Variants in CSPP1 observed in about 807,000 individuals in gnomAD.
CSPP1 encodes the protein centrosome and spindle pole associated protein 1.
In CSPP1, 126 loss-of-function variants were observed where a neutral mutation model predicts 164.4. The ratio of observed to expected loss-of-function variants is 0.77; its 90% CI spans 0.66 to 0.89. The LOEUF (loss-of-function observed/expected upper bound fraction) is 0.89, where lower values mean the gene tolerates loss of function less well. Ranked by LOEUF, CSPP1 falls within the 40% of genes least tolerant of loss-of-function variation. CSPP1 has a pLI of 0.00. For synonymous variants in CSPP1, 472 were observed against 476.7 expected, an observed-to-expected ratio of 0.99 and a Z score of 0.13; for missense variants, 1,395 against 1,449.8, an observed-to-expected ratio of 0.96 and a Z score of 0.61.
chr8:67,140,419 A>G (rs969826132), intron 17 of CSPP1, among the ~76,000 whole-genome samples: 2 of 152,022 alleles, frequency 1.3e-5, no homozygotes, highest in Non-Finnish European at 2.9e-5. Flanking sequence ...TTTCTTCCCA[A>G]AAGATTTGTT....
intron 18 of CSPP1, among the ~76,000 whole-genome samples, chr8:67,152,968 CG>C (rs1421234978): frequency 1.3e-5 from 2 of 151,996 alleles, no homozygotes; most frequent in Non-Finnish European, 2.9e-5. Context: ...GAGGCCGAGG[CG>C]GGCGGATCAT....
chr8:67,126,377 G>A (rs1820063071), intron 15 of CSPP1, among the ~76,000 whole-genome samples: 2 of 152,104 alleles, frequency 1.3e-5, no homozygotes, highest in Admixed American at 1.3e-4. Flanking sequence ...CCTCCTCCTT[G>A]TGGTTTGTTG....
intron 26 of CSPP1, among the ~76,000 whole-genome samples, chr8:67,177,017 G>C (rs188159561): frequency 7.0e-6 from 1 of 142,590 alleles, no homozygotes; most frequent in East Asian, 2.1e-4. Context: ...GTTGCAGAGA[G>C]CCAAGATCGT....
chr8:67,179,358 T>A (rs1832468754), intron 27 of CSPP1, among the ~76,000 whole-genome samples: 1 of 152,186 alleles, frequency 6.6e-6, no homozygotes, highest in Admixed American at 6.5e-5. Flanking sequence ...CTCTCTCCCA[T>A]GACACTGTGA....
intron 28 of CSPP1, among the ~76,000 whole-genome samples, chr8:67,180,875 A>T (rs112210869): frequency 1.3e-5 from 2 of 151,962 alleles, no homozygotes; most frequent in African/African-American, 4.8e-5. Context: ...TTAAAGTAGT[A>T]TACACTTACG....
Position 67,187,014 on chromosome 8 carries a change from TA to T in CSPP1, c.3221-3634del, listed in dbSNP as rs1219166409. Among the ~76,000 whole-genome samples the T allele has an allele frequency of 2.7e-3, 382 of 143,646 alleles. 2 individuals are homozygous for T. The highest frequency in any genetic ancestry group is 9.2e-3 in the African/African-American group (356 of 38,532). 94.2% of individuals were successfully genotyped at this position (143,646 alleles called of 152,430 possible). A position where few individuals can be genotyped will look rare whatever the true frequency, so the allele number is the denominator to read the frequency against. On this transcript the variant is annotated intron_variant, in intron 28 of 30. Coordinates refer to ENST00000678616, the MANE Select transcript of CSPP1 (RefSeq NM_001382391.1). ...CTATCTATCTATCTATCTATCTATC[TA>T]ATCTATCTATCTAGAACTGCCTGAG...
chr8:67,093,799 GTTT>G (rs1042342882), intron 6 of CSPP1, among the ~76,000 whole-genome samples, 158 bp downstream of exon 6: 93 of 152,156 alleles, frequency 6.1e-4, no homozygotes, highest in Non-Finnish European at 3.1e-4. Flanking sequence ...TAAATATTTA[GTTT>G]TGGAAGTTAT....
At position 67,157,888 on chromosome 8, in the gene CSPP1, C is replaced by A. The variant is rs201954855; in HGVS notation, c.2242-559C>A. On this transcript the variant is annotated intron_variant, in intron 19 of 30. Transcript: ENST00000678616. ...TCCTTGTGACCTAAATCCTCCTCCA[C>A]CTAATAGTTTTAGTTCTTTCTCCAT... 6 of 152,226 alleles carry A rather than the reference C, an allele frequency of 3.9e-5. No individual in the cohort carries two copies. In the East Asian group the frequency reaches 1.2e-3, roughly 29 times the overall value. 9.4% of individuals were successfully genotyped at this position (152,226 alleles called of 1,614,324 possible).
chr8:67,159,271 G>A, intron 21 of CSPP1, 134 bp downstream of exon 21: 1 of 818,864 alleles, frequency 1.2e-6, no homozygotes, highest in Non-Finnish European at 1.9e-6. Flanking sequence ...TGTTTAGTCT[G>A]GGCACAATGT....
chr8:67,173,438 G>T, intron 25 of CSPP1: 1 of 152,238 alleles, frequency 6.6e-6, no homozygotes, highest in East Asian at 1.9e-4. Context: ...AGCAGGTGTT[G>T]GAGCAGAAGG....
chr8:67,159,651 A>G (rs550575328), intron 21 of CSPP1, among the ~76,000 whole-genome samples: 31 of 147,754 alleles, frequency 2.1e-4, no homozygotes, highest in Non-Finnish European at 3.7e-4. Flanking sequence ...CCTCTCAAGT[A>G]GCTGGGACTA....
rs201884732 is a variant in CSPP1 at position 67,179,894 on chromosome 8, A to G, written c.3188A>G (p.Asn1063Ser). The change falls in exon 28 of 31, where the codon AAC (asparagine) becomes AGC (serine). Residue 1063 changes from asparagine (N) to serine (S), a missense_variant. Transcript: ENST00000678616. ...PRDDTSDFLK[N>S]SLLESDSAFI... ...GATGACACTAGTGATTTCTTGAAAA[A>G]CTCATTATTGGAATCTGATAGTGCT... 315 of 1,589,788 alleles carry G rather than the reference A, an allele frequency of 2.0e-4. No homozygotes were observed. Among genetic ancestry groups the G allele is most frequent in the Non-Finnish European group, 2.5e-4 (289 of 1,159,354 alleles).
chr8:67,172,408 A>G lies in CSPP1; in HGVS notation c.2829-8A>G, dbSNP rs754544892. 6.2e-7 allele frequency: 1 copy of G among 1,605,640 alleles called. No homozygotes were observed. Among genetic ancestry groups the G allele is most frequent in the Non-Finnish European group, 8.5e-7 (1 of 1,173,850 alleles). On this transcript the variant is annotated splice_polypyrimidine_tract_variant and splice_region_variant and intron_variant, in intron 24 of 30. Transcript: ENST00000678616. ...AAGCACATATTATGATTTGTCATTT[A>G]TCTATAGGAAAAAGGAAAGGAATCC... is the stretch of plus-strand genomic sequence containing the variant.
chr8:67,156,167 T>A (rs1275174312), intron 19 of CSPP1, among the ~76,000 whole-genome samples: 1 of 152,200 alleles, frequency 6.6e-6, no homozygotes, highest in Non-Finnish European at 1.5e-5. Context: ...TACTTTTACA[T>A]ATAGTGTCTC....
intron 7 of CSPP1, among the ~76,000 whole-genome samples, chr8:67,097,507 T>C (rs774025547): frequency 3.3e-5 from 5 of 152,164 alleles, no homozygotes; most frequent in African/African-American, 4.8e-5. Flanking sequence ...GTAAGGTAAT[T>C]AAAGGCTGAC....
intron 16 of CSPP1, among the ~76,000 whole-genome samples, chr8:67,132,314 G>A (rs1351909856): frequency 1.3e-5 from 2 of 152,210 alleles, no homozygotes; most frequent in African/African-American, 4.8e-5. Flanking sequence ...TGCATGTTGT[G>A]CAATGACTAC....
At chr8:67,182,995 ATCTTT>A (rs1356799997) in intron 28 of CSPP1, among the ~76,000 whole-genome samples, 11 of 152,176 alleles carry the variant, frequency 7.2e-5, no homozygotes, top group African/African-American at 2.7e-4. Flanking sequence ...AGTCCAATTT[ATCTTT>A]TCTTTTGTTG....
rs373705126 is a variant in CSPP1, at chr8:67,064,411, C to T, written c.-138C>T. The T allele has an allele frequency of 5.0e-6, 8 of 1,613,640 alleles. No homozygotes were observed. The African/African-American group carries it at 1.1e-4, about 22-fold the overall frequency. On this transcript the variant is annotated 5_prime_UTR_variant, in exon 1 of 31. Coordinates refer to ENST00000678616, the MANE Select transcript of CSPP1 (RefSeq NM_001382391.1). ...CCGGAGGTCTGTCATGCTGTTCCCG[C>T]TCCAGGTGGCCGCTGTAACCTCTTC...
chr8:67,071,730 C>T (rs1332989858), intron 1 of CSPP1, among the ~76,000 whole-genome samples: 5 of 152,050 alleles, frequency 3.3e-5, no homozygotes, highest in African/African-American at 9.7e-5. Context: ...TTTTTGTCTA[C>T]GTACCCAATT....
Sources: gnomAD v4.1 joint callset for allele counts (sites outside exome capture counted in the v4.1 genomes callset) on GRCh38, gnomAD v4.1.1 for gene constraint, MANE v1.5 for transcripts, NCBI Gene and HGNC (gene_info 2026-07-23, HGNC 2026-07-21) for gene names.